The following MPDZ variants were observed in gnomAD, a reference collection of about 807,000 sequenced individuals.
MPDZ encodes multiple PDZ domain crumbs cell polarity complex component.
A neutral mutation model predicts 239.1 loss-of-function variants in MPDZ; 234 were observed. The observed-to-expected ratio is 0.98, with a 90% CI of 0.88 to 1.09. The LOEUF (loss-of-function observed/expected upper bound fraction) is 1.09. Ranked by LOEUF, MPDZ falls within the 50% of genes least tolerant of loss-of-function variation. The pLI is 0.00. For synonymous variants in MPDZ, 1,048 were observed against 881.3 expected (o/e 1.19, Z -3.35); for missense variants, 3,175 against 2,510.0 (o/e 1.26, Z -5.66).
intron 1 of MPDZ, among the ~76,000 whole-genome samples, chr9:13,259,726 C>G (rs1278185853): frequency 6.6e-6 from 1 of 152,046 alleles, no homozygotes; most frequent in African/African-American, 2.4e-5. Context: ...TATATAGTAA[C>G]CTGGATTGGG....
At chr9:13,271,379 A>C (rs1972920134) in intron 1 of MPDZ, among the ~76,000 whole-genome samples, 1 of 152,158 alleles carries the variant, frequency 6.6e-6, no homozygotes, top group African/African-American at 2.4e-5. Context: ...TTTTGAACTG[A>C]AGGCAAATAG....
intron 2 of MPDZ, 71 bp from the exon 3 acceptor site, chr9:13,247,872 C>T (rs1480243691): frequency 7.3e-7 from 1 of 1,370,600 alleles, no homozygotes; most frequent in East Asian, 2.3e-5. Context: ...AGGACTCCAT[C>T]TTGTAGAAAT....
At chr9:13,261,520 A>T (rs887136726) in intron 1 of MPDZ, among the ~76,000 whole-genome samples, 2 of 152,116 alleles carry the variant, frequency 1.3e-5, no homozygotes, top group African/African-American at 4.8e-5. Context: ...TCATTTGTAC[A>T]CTGTACTTCT....
chr9:13,252,045 G>A (rs748290521), intron 1 of MPDZ, among the ~76,000 whole-genome samples: 1 of 152,058 alleles, frequency 6.6e-6, no homozygotes, highest in East Asian at 1.9e-4. Context: ...AGCATAACTT[G>A]TAACTATGAT....
Position 13,176,304 on chromosome 9 carries a change from T to C in MPDZ, c.2763A>G (p.Ile921Met), listed in dbSNP as rs751242923. ...TAAAGCCAGAAGCAGGCCCCATACT[T>C]ATGTCCACCGAAGGTGTATTCTCAT... ...RQDENTPSVDISMGPASGFTI... is the reference protein window; with the variant it reads ...RQDENTPSVDMSMGPASGFTI... Residue 921 changes from isoleucine (I) to methionine (M), a missense_variant, in exon 20 of 47, where the codon ATA becomes ATG. Ile to Met is a conservative substitution (Grantham distance 10, BLOSUM62 1). Transcript: ENST00000319217. 4 of 1,610,294 alleles carry C rather than the reference T, an allele frequency of 2.5e-6. No individual in the cohort carries two copies. Among genetic ancestry groups the C allele is most frequent in the Admixed American group, 3.4e-5 (2 of 59,644 alleles).
chr9:13,150,690 T>TA lies in MPDZ; in HGVS notation c.3453-3dup. 7.5e-7 allele frequency: 1 copy of TA among 1,334,186 alleles called. No homozygotes were observed. Among genetic ancestry groups the TA allele is most frequent in the Non-Finnish European group, 9.7e-7 (1 of 1,033,630 alleles). 82.6% of individuals were successfully genotyped at this position (1,334,186 alleles called of 1,614,324 possible). A position where few individuals can be genotyped will look rare whatever the true frequency, so the allele number is the denominator to read the frequency against. ...CTTGGTTCTCTCCAGAGTTCCACCC[T>TA]AAAAAATAAATAAAATTTTCAACTC... On this transcript the variant is annotated splice_region_variant and splice_polypyrimidine_tract_variant and intron_variant, in intron 24 of 46. Transcript: ENST00000319217.
intron 3 of MPDZ, among the ~76,000 whole-genome samples, chr9:13,237,570 T>C (rs1384643783): frequency 6.6e-6 from 1 of 152,042 alleles, no homozygotes; most frequent in African/African-American, 2.4e-5. Context: ...GCTACTTTTT[T>C]TGTATCGTAT....
At chr9:13,171,038 T>G (rs1951718667) in intron 21 of MPDZ, among the ~76,000 whole-genome samples, 1 of 152,130 alleles carries the variant, frequency 6.6e-6, no homozygotes, top group Non-Finnish European at 1.5e-5. Flanking sequence ...ATTCCACCAC[T>G]TCCAATCAGC....
At chr9:13,165,148 A>AT (rs1950919322) in intron 22 of MPDZ, among the ~76,000 whole-genome samples, 1 of 152,168 alleles carries the variant, frequency 6.6e-6, no homozygotes. Context: ...TGATTTTCAA[A>AT]TGAGTTCACA....
intron 10 of MPDZ, among the ~76,000 whole-genome samples, chr9:13,216,383 TA>T (rs58797462): frequency 1.6e-3 from 216 of 138,646 alleles, no homozygotes; most frequent in Middle Eastern, 3.7e-3. Context: ...TTCTGCTGAT[TA>T]AAAAAAAAAA....
At chr9:13,259,016 C>A (rs966567564) in intron 1 of MPDZ, among the ~76,000 whole-genome samples, 2 of 149,394 alleles carry the variant, frequency 1.3e-5, no homozygotes, top group Admixed American at 6.7e-5. Context: ...ACCCAGGAGG[C>A]AGAGGCTCAA....
At chr9:13,278,900 G>A (rs10960998) in intron 1 of MPDZ, 9,705 of 152,188 alleles carry the variant, frequency 0.064, 689 homozygotes, top group East Asian at 0.19. Flanking sequence ...CCCTGCAGGG[G>A]AGAGCAACAG....
At chr9:13,207,614 C>T (rs189679636) in intron 10 of MPDZ, among the ~76,000 whole-genome samples, 1 of 152,318 alleles carries the variant, frequency 6.6e-6, no homozygotes, top group East Asian at 1.9e-4. Flanking sequence ...TAATAAACTA[C>T]CTTGATGTCT....
chr9:13,242,356 G>A (rs1330499283), intron 3 of MPDZ, among the ~76,000 whole-genome samples: 3 of 150,032 alleles, frequency 2.0e-5, no homozygotes, highest in African/African-American at 7.4e-5. Flanking sequence ...CTCCCCAGTA[G>A]CTGGGATTAC....
At chr9:13,107,503 G>A (rs1941678010) in intron 46 of MPDZ, among the ~76,000 whole-genome samples, 1 of 152,140 alleles carries the variant, frequency 6.6e-6, no homozygotes, top group African/African-American at 2.4e-5. Context: ...AAAGGATTAG[G>A]TAGGAACAAA....
At chr9:13,266,565 T>C (rs1320840227) in intron 1 of MPDZ, among the ~76,000 whole-genome samples, 1 of 152,182 alleles carries the variant, frequency 6.6e-6, no homozygotes, top group African/African-American at 2.4e-5. Flanking sequence ...CAATCTTAAT[T>C]ATTTGAAGAT....
chr9:13,126,693 C>G lies in MPDZ; in HGVS notation c.4544G>C (p.Gly1515Ala), dbSNP rs1429140971. The G allele has an allele frequency of 6.2e-7, 1 of 1,613,776 alleles. No homozygotes were observed. Among genetic ancestry groups the G allele is most frequent in the Non-Finnish European group, 8.5e-7 (1 of 1,179,750 alleles). ...GGTAAACCTCACCGTGGCTGCTACC[C>G]CATGCTCTGTTAAGCTCTTTATGAT... ...GVIIKSLTEH[G>A]VAATDGRLKV... Residue 1515 changes from glycine to alanine, a missense_variant, in exon 33 of 47, where the codon GGG becomes GCG. Gly to Ala is a moderately conservative substitution (Grantham distance 60). Transcript: ENST00000319217.
At chr9:13,160,824 T>C (rs867111271) in intron 23 of MPDZ, among the ~76,000 whole-genome samples, 1 of 36,472 alleles carries the variant, frequency 2.7e-5, no homozygotes, top group African/African-American at 7.6e-5. Context: ...CTTGTCATTA[T>C]TAAAATTATA....
At chr9:13,272,181 A>C (rs1237086656) in intron 1 of MPDZ, among the ~76,000 whole-genome samples, 2 of 152,136 alleles carry the variant, frequency 1.3e-5, no homozygotes, top group African/African-American at 4.8e-5. Context: ...TATAACTTAT[A>C]CCACAATAAA....
Sources: gnomAD v4.1 joint callset for allele counts (sites outside exome capture counted in the v4.1 genomes callset) on GRCh38, gnomAD v4.1.1 for gene constraint, MANE v1.5 for transcripts, NCBI Gene and HGNC (gene_info 2026-07-23, HGNC 2026-07-21) for gene names.